DMD: variants seen among roughly 807,000 people sequenced by gnomAD.
DMD encodes the protein dystrophin, also known as mutant dystrophin.
DMD carries 63 observed loss-of-function variants against 330.1 expected under a neutral mutation model. The ratio of observed to expected loss-of-function variants is 0.19; its 90% CI spans 0.16 to 0.24. The LOEUF (loss-of-function observed/expected upper bound fraction) is 0.24, where lower values mean the gene tolerates loss of function less well. DMD is among the 10% of genes least tolerant of loss of function. The pLI, the probability that DMD is intolerant of heterozygous loss-of-function variation, is 1.00. For missense variants in DMD, 3,344 were observed against 2,684.1 expected (o/e 1.25, Z -5.43); for synonymous variants, 1,223 against 959.8 (o/e 1.27, Z -5.07).
At chrX:32,678,539 T>C (rs577407554) in intron 9 of DMD, among the ~76,000 whole-genome samples, 2 of 110,894 alleles carry the variant, frequency 1.8e-5, no homozygotes, top group African/African-American at 6.6e-5. Flanking sequence ...TGTATGTGTG[T>C]ATGGGTGGGT....
At chrX:31,423,554 T>C (rs1414915819) in intron 60 of DMD, among the ~76,000 whole-genome samples, 1 of 111,966 alleles carries the variant, frequency 8.9e-6, no homozygotes, top group African/African-American at 3.2e-5. Flanking sequence ...CTCTTAATTA[T>C]GAATAAATTA....
At chrX:32,722,762 C>T (rs1481806410) in intron 7 of DMD, among the ~76,000 whole-genome samples, 1 of 110,761 alleles carries the variant, frequency 9.0e-6, no homozygotes, top group Non-Finnish European at 1.9e-5. Flanking sequence ...AAAAATGCAA[C>T]TAATTTTATG....
At chrX:32,362,727 T>C (rs2097841374) in intron 37 of DMD, 61 bp downstream of exon 37, 1 of 1,171,171 alleles carries the variant, frequency 8.5e-7, no homozygotes, top group African/African-American at 1.8e-5. Flanking sequence ...TTCAGAGTAC[T>C]GCGCAACCTT....
intron 44 of DMD, among the ~76,000 whole-genome samples, chrX:32,186,431 G>A (rs2096947820): frequency 9.0e-6 from 1 of 111,077 alleles, no homozygotes; most frequent in South Asian, 3.7e-4. Flanking sequence ...GTCCACCTTT[G>A]AATTTATAGA....
chrX:32,646,253 T>C (rs1000742916), intron 9 of DMD, among the ~76,000 whole-genome samples: 1 of 111,411 alleles, frequency 9.0e-6, no homozygotes, highest in Non-Finnish European at 1.9e-5. Flanking sequence ...TAAAGGCATT[T>C]ATCAAGGGCA....
chrX:32,448,377 T>A, intron 27 of DMD, 79 bp downstream of exon 27: 10 of 1,095,208 alleles, frequency 9.1e-6, no homozygotes, highest in Non-Finnish European at 1.3e-5. Flanking sequence ...TGCACTGGTA[T>A]CCATGTTCTT....
At chrX:31,780,242 G>A (rs2090940367) in intron 50 of DMD, among the ~76,000 whole-genome samples, 1 of 112,226 alleles carries the variant, frequency 8.9e-6, no homozygotes, top group African/African-American at 3.2e-5. Context: ...AAGAAAGCAA[G>A]AAGCACATAC....
At chrX:31,505,436 GT>G (rs1488887351) in intron 56 of DMD, among the ~76,000 whole-genome samples, 2 of 111,315 alleles carry the variant, frequency 1.8e-5, no homozygotes, top group East Asian at 5.6e-4. Flanking sequence ...AAATAAACCT[GT>G]TCTACTCCTA....
At chrX:32,057,468 G>A (rs1234729746) in intron 44 of DMD, among the ~76,000 whole-genome samples, 2 of 110,429 alleles carry the variant, frequency 1.8e-5, no homozygotes, top group African/African-American at 6.6e-5. Context: ...GTTTCTATAC[G>A]CTAGCAACAT....
chrX:32,165,634 G>A (rs1171473198), intron 44 of DMD, among the ~76,000 whole-genome samples: 1 of 112,143 alleles, frequency 8.9e-6, no homozygotes, highest in East Asian at 2.8e-4. Context: ...ATACTTTGGA[G>A]TACTGTTGTC....
chrX:31,676,579 G>T (rs945780546), intron 53 of DMD, among the ~76,000 whole-genome samples: 2 of 111,173 alleles, frequency 1.8e-5, no homozygotes, highest in Non-Finnish European at 3.8e-5. Flanking sequence ...ATTCTTATGG[G>T]GTTTTCTTGC....
chrX:32,370,489 A>T lies in DMD; in HGVS notation c.4846-5290T>A, dbSNP rs183459363. On this transcript the variant is annotated intron_variant, in intron 34 of 78. Coordinates refer to ENST00000357033, the MANE Select transcript of DMD (RefSeq NM_004006.3). ...ACTTTTTAATAACACTGTATTGTTT[A>T]TTAAAGAAGAATTTCATGAAAGCAG... is the stretch of plus-strand genomic sequence containing the variant. Among the ~76,000 whole-genome samples the T allele has an allele frequency of 1.3e-3, 146 of 111,415 alleles. 1 individual carries two copies. In the East Asian group the frequency reaches 0.033, roughly 25 times the overall value.
intron 19 of DMD, among the ~76,000 whole-genome samples, chrX:32,501,362 T>C (rs1012186083): frequency 1.8e-5 from 2 of 112,108 alleles, no homozygotes; most frequent in Non-Finnish European, 3.8e-5. Flanking sequence ...ATAATTTTAG[T>C]GTTTGGAAAA....
intron 60 of DMD, among the ~76,000 whole-genome samples, chrX:31,383,822 A>G (rs750489944): frequency 2.7e-5 from 3 of 111,569 alleles, no homozygotes; most frequent in Non-Finnish European, 3.8e-5. Flanking sequence ...CGAGGTGAAG[A>G]TTACCTTCCT....
intron 9 of DMD, among the ~76,000 whole-genome samples, chrX:32,678,500 G>A (rs1013209756): frequency 6.2e-5 from 6 of 97,466 alleles, no homozygotes; most frequent in African/African-American, 1.4e-4. Context: ...TTGCGTGTCC[G>A]TGTGTGTGTG....
intron 2 of DMD, among the ~76,000 whole-genome samples, chrX:32,992,882 GGCA>G (rs747684326): frequency 4.1e-5 from 4 of 97,543 alleles, no homozygotes; most frequent in African/African-American, 1.6e-4. Context: ...CTCCAGCCTG[GGCA>G]ACAAAAGCCA....
At chrX:32,991,305 G>T (rs2092967576) in intron 2 of DMD, among the ~76,000 whole-genome samples, 1 of 111,290 alleles carries the variant, frequency 9.0e-6, no homozygotes, top group Non-Finnish European at 1.9e-5. Flanking sequence ...ACATTGAGAT[G>T]AAAGTATTTT....
rs923413017 is a variant in DMD at position 32,325,790 on chromosome X, T to G, written c.5923-15514A>C. Among the ~76,000 whole-genome samples the G allele has an allele frequency of 6.7e-4, 68 of 102,226 alleles. 1 individual carries two copies. Among genetic ancestry groups the G allele is most frequent in the African/African-American group, 2.1e-3 (60 of 28,383 alleles). The allele number at this position is 102,226 out of a possible 115,157, so 88.8% of individuals were successfully genotyped here. On this transcript the variant is annotated intron_variant, in intron 41 of 78. Coordinates refer to ENST00000357033, the MANE Select transcript of DMD (RefSeq NM_004006.3). ...AATACTCGATATATTTTAATTGATC[T>G]TAAGTACTCAATTTTTTTTTTTTTT... is the stretch of plus-strand genomic sequence containing the variant.
chrX:32,595,678 A>G, intron 13 of DMD, 79 bp downstream of exon 13: 2 of 975,232 alleles, frequency 2.1e-6, no homozygotes, highest in Admixed American at 4.8e-5. Context: ...TATAAATTGC[A>G]TTCTAAATTT....
Sources: allele counts gnomAD v4.1 joint callset (sites outside exome capture counted in the v4.1 genomes callset), GRCh38; gene constraint gnomAD v4.1.1; transcripts MANE v1.5; gene names NCBI Gene and HGNC (gene_info 2026-07-23, HGNC 2026-07-21).